CDH11: variants seen among roughly 807,000 people sequenced by gnomAD.
CDH11 encodes cadherin 11.
A neutral mutation model predicts 67.8 loss-of-function variants in CDH11; 11 were observed. That is an observed-to-expected ratio of 0.16 (90% confidence interval 0.10 to 0.27). The LOEUF (loss-of-function observed/expected upper bound fraction) is 0.27. Among genes scored for constraint, CDH11 ranks in the 10% least tolerant of loss-of-function variants. CDH11 has a pLI of 1.00. For synonymous variants in CDH11, 419 were observed against 400.0 expected (o/e 1.05, Z -0.57); for missense variants, 847 against 1,031.2 (o/e 0.82, Z 2.45).
At chr16:65,005,269 CTT>C (rs2073025813) in intron 2 of CDH11, among the ~76,000 whole-genome samples, 1 of 152,156 alleles carries the variant, frequency 6.6e-6, no homozygotes, top group African/African-American at 2.4e-5. Flanking sequence ...ATATAAGTCT[CTT>C]AGCACAATGC....
At chr16:65,043,456 A>C (rs1254737421) in intron 2 of CDH11, among the ~76,000 whole-genome samples, 1 of 152,162 alleles carries the variant, frequency 6.6e-6, no homozygotes, top group Non-Finnish European at 1.5e-5. Context: ...ACAGCCTCAG[A>C]CCACCCTGCA....
chr16:64,947,055 C>T lies in CDH11; in HGVS notation c.*548G>A, dbSNP rs2071213600. The T allele has an allele frequency of 6.8e-6, 7 of 1,031,888 alleles. No homozygotes were observed. The South Asian group carries it at 3.2e-4, about 48-fold the overall frequency. 63.9% of individuals were successfully genotyped at this position (1,031,888 alleles called of 1,614,324 possible). A position where few individuals can be genotyped will look rare whatever the true frequency, so the allele number is the denominator to read the frequency against. On this transcript the variant is annotated 3_prime_UTR_variant, in exon 13 of 13. Coordinates refer to ENST00000268603, the MANE Select transcript of CDH11 (RefSeq NM_001797.4). ...ATGAAAGTAGAAGCAAAAAGATTTA[C>T]AAGAATCAGCAGTAACAAGATTGAT...
intron 1 of CDH11, among the ~76,000 whole-genome samples, chr16:65,079,239 G>C (rs2074568415): frequency 6.6e-6 from 1 of 152,174 alleles, no homozygotes; most frequent in East Asian, 1.9e-4. Context: ...CAGGGCGGCT[G>C]ACCAAGAAAA....
intron 2 of CDH11, among the ~76,000 whole-genome samples, chr16:65,043,859 G>T (rs1221281732): frequency 6.6e-6 from 1 of 152,084 alleles, no homozygotes; most frequent in Non-Finnish European, 1.5e-5. Flanking sequence ...TAGAATCCTG[G>T]CTCTGCCACA....
At chr16:65,002,416 C>T (rs2072940919) in intron 3 of CDH11, among the ~76,000 whole-genome samples, 1 of 152,214 alleles carries the variant, frequency 6.6e-6, no homozygotes, top group East Asian at 1.9e-4. Flanking sequence ...CCCTTCACAA[C>T]ATTTAAGCTC....
At chr16:64,954,651 T>C (rs1191605487) in intron 11 of CDH11, among the ~76,000 whole-genome samples, 1 of 151,922 alleles carries the variant, frequency 6.6e-6, no homozygotes, top group Non-Finnish European at 1.5e-5. Flanking sequence ...GGCATTTAGG[T>C]GGTCTGTGTT....
chr16:65,083,511 A>G (rs1279577884), intron 1 of CDH11, among the ~76,000 whole-genome samples: 1 of 152,184 alleles, frequency 6.6e-6, no homozygotes, highest in Non-Finnish European at 1.5e-5. Context: ...AAAAATGGGG[A>G]AGACTGGCTA....
intron 3 of CDH11, among the ~76,000 whole-genome samples, chr16:65,001,464 C>T (rs994492092): frequency 5.3e-5 from 8 of 152,136 alleles, no homozygotes; most frequent in South Asian, 2.1e-4. Flanking sequence ...CCCTGCTGCA[C>T]ACCTGGCAGA....
chr16:65,018,420 T>TA (rs954201639), intron 2 of CDH11, among the ~76,000 whole-genome samples: 22 of 151,988 alleles, frequency 1.4e-4, no homozygotes, highest in South Asian at 1.0e-3. Context: ...AAAAAAATTT[T>TA]AAAAAAAACA....
In CDH11 at chr16:64,977,041, C is replaced by CA. The variant is rs201067194; in HGVS notation, c.1254-4002dup. Among the ~76,000 whole-genome samples the CA allele has an allele frequency of 2.2e-3, 338 of 151,668 alleles. 3 individuals are homozygous for CA. The highest frequency in any genetic ancestry group is 7.5e-3 in the African/African-American group (309 of 41,372). On this transcript the variant is annotated intron_variant, in intron 8 of 12. Coordinates refer to ENST00000268603, the MANE Select transcript of CDH11 (RefSeq NM_001797.4). Reference sequence around the variant, plus strand: ...GAACCCCCTCTCTACAAAAACAAAACAAAAAAAATTAGGCAGGCACAGTGG... The same window carrying CA: ...GAACCCCCTCTCTACAAAAACAAAACAAAAAAAAATTAGGCAGGCACAGTGG...
chr16:65,033,237 AACACACACACAC>A (rs57645922), intron 2 of CDH11, among the ~76,000 whole-genome samples: 3 of 139,518 alleles, frequency 2.2e-5, no homozygotes, highest in East Asian at 5.1e-4. Context: ...AAACTAGGAA[AACACACACACAC>A]ACACACACAC....
chr16:64,978,616 A>G (rs2072245486), intron 8 of CDH11, among the ~76,000 whole-genome samples: 2 of 152,210 alleles, frequency 1.3e-5, no homozygotes, highest in Non-Finnish European at 2.9e-5. Flanking sequence ...CAACAGTACA[A>G]AACAATCCTG....
intron 8 of CDH11, 48 bp downstream of exon 8, chr16:64,982,000 T>G: frequency 1.3e-6 from 2 of 1,538,260 alleles, no homozygotes; most frequent in East Asian, 4.5e-5. Context: ...CAGAACCTCT[T>G]GACTCTAAAA....
intron 1 of CDH11, among the ~76,000 whole-genome samples, chr16:65,090,181 G>GTTCTAAGTT (rs2142827808): frequency 6.6e-6 from 1 of 151,858 alleles, no homozygotes; most frequent in East Asian, 1.9e-4. Flanking sequence ...AAACTGACAT[G>GTTCTAAGTT]TTCTAAGTTT....
intron 1 of CDH11, among the ~76,000 whole-genome samples, chr16:65,087,190 C>T (rs114513663): frequency 1.4e-3 from 207 of 152,290 alleles, no homozygotes; most frequent in African/African-American, 4.3e-3. Context: ...CCAACAATGA[C>T]AGCAGCAGAG....
intron 1 of CDH11, among the ~76,000 whole-genome samples, chr16:65,056,917 A>G (rs958859769): frequency 4.6e-5 from 7 of 152,202 alleles, no homozygotes; most frequent in African/African-American, 1.7e-4. Context: ...CAGTCAATCA[A>G]AAAAGCTTTG....
chr16:65,114,820 C>A (rs1330947502), intron 1 of CDH11, among the ~76,000 whole-genome samples: 1 of 152,112 alleles, frequency 6.6e-6, no homozygotes, highest in Non-Finnish European at 1.5e-5. Flanking sequence ...AGGGTGAGGA[C>A]TCCGTTATTT....
At chr16:65,097,406 A>G (rs189862405) in intron 1 of CDH11, among the ~76,000 whole-genome samples, 7 of 152,286 alleles carry the variant, frequency 4.6e-5, no homozygotes, top group African/African-American at 1.7e-4. Flanking sequence ...TTTCAGATTG[A>G]CCCTCATTCT....
chr16:65,037,382 C>T (rs1208526304), intron 2 of CDH11, among the ~76,000 whole-genome samples: 6 of 152,166 alleles, frequency 3.9e-5, no homozygotes, highest in African/African-American at 1.4e-4. Context: ...CTCCATCAGT[C>T]ACTGTGAACC....
Sources: allele counts gnomAD v4.1 joint callset (sites outside exome capture counted in the v4.1 genomes callset), GRCh38; gene constraint gnomAD v4.1.1; transcripts MANE v1.5; gene names NCBI Gene and HGNC (gene_info 2026-07-23, HGNC 2026-07-21).